The following JAZF1 variants were observed in gnomAD, a reference collection of about 807,000 sequenced individuals.
The protein encoded by JAZF1 is juxtaposed with another zinc finger protein 1.
Under a neutral mutation model 26.4 loss-of-function variants are expected in JAZF1, and 8 were observed. The observed-to-expected ratio is 0.30, with a 90% CI of 0.18 to 0.55. The LOEUF (loss-of-function observed/expected upper bound fraction) is 0.55. Ranked by LOEUF, JAZF1 falls within the 20% of genes least tolerant of loss-of-function variation. The probability of loss-of-function intolerance (pLI) is 0.94; values close to 1 mark genes in which losing one functional copy is unlikely to be tolerated. For synonymous variants in JAZF1, 126 were observed against 122.3 expected, an observed-to-expected ratio of 1.03 and a Z score of -0.20; for missense variants, 199 against 322.0, an observed-to-expected ratio of 0.62 and a Z score of 2.92.
chr7:28,081,237 G>C (rs77692474), intron 1 of JAZF1, among the ~76,000 whole-genome samples: 3,096 of 152,246 alleles, frequency 0.02, 106 homozygotes, highest in African/African-American at 0.07. Context: ...GCCTGGAATG[G>C]AGCCAGCCCC....
chr7:28,145,788 C>T (rs1440124903), intron 1 of JAZF1, among the ~76,000 whole-genome samples: 1 of 152,066 alleles, frequency 6.6e-6, no homozygotes, highest in Non-Finnish European at 1.5e-5. Flanking sequence ...AATCTCCTTC[C>T]CCCATTCCAG....
intron 2 of JAZF1, among the ~76,000 whole-genome samples, chr7:27,977,970 A>C (rs535543825): frequency 6.6e-6 from 1 of 152,296 alleles, no homozygotes; most frequent in East Asian, 1.9e-4. Context: ...TATGTTGTAC[A>C]TTTGTCCAGT....
chr7:27,996,264 C>T (rs1786013912), intron 1 of JAZF1, among the ~76,000 whole-genome samples: 1 of 152,170 alleles, frequency 6.6e-6, no homozygotes, highest in Non-Finnish European at 1.5e-5. Context: ...AATGTCTCAA[C>T]AAAACTAGGG....
intron 3 of JAZF1, among the ~76,000 whole-genome samples, chr7:27,855,485 A>C (rs1783231736): frequency 6.6e-6 from 1 of 152,288 alleles, no homozygotes; most frequent in South Asian, 2.1e-4. Flanking sequence ...CTAATAAGAA[A>C]AGAGAGAAGA....
chr7:27,916,469 A>G (rs1324287532), intron 2 of JAZF1, among the ~76,000 whole-genome samples: 6 of 152,176 alleles, frequency 3.9e-5, no homozygotes, highest in Admixed American at 3.9e-4. Flanking sequence ...CTAATACATG[A>G]CCTTGTTTTA....
chr7:27,913,337 A>G, intron 2 of JAZF1: 1 of 448,332 alleles, frequency 2.2e-6, no homozygotes. Context: ...TAACCATACA[A>G]TGTGTTAAGA....
chr7:27,873,706 C>T (rs1025274357), intron 3 of JAZF1, among the ~76,000 whole-genome samples: 8 of 152,232 alleles, frequency 5.3e-5, no homozygotes, highest in South Asian at 2.1e-4. Context: ...GCTTTATTTA[C>T]ACCTTGTCTT....
chr7:27,855,356 G>T (rs984813808), intron 3 of JAZF1, among the ~76,000 whole-genome samples: 1 of 151,876 alleles, frequency 6.6e-6, no homozygotes, highest in African/African-American at 2.4e-5. Context: ...GCTAGCAGAA[G>T]ACAAGAAATA....
chr7:28,090,858 C>T (rs1201172807), intron 1 of JAZF1, among the ~76,000 whole-genome samples: 6 of 124,472 alleles, frequency 4.8e-5, no homozygotes, highest in Non-Finnish European at 9.4e-5. Flanking sequence ...CTCGCTCTGT[C>T]ACCCAGGCCG....
At chr7:27,866,422 CTCTGT>C (rs141052407) in intron 3 of JAZF1, among the ~76,000 whole-genome samples, 340 of 152,308 alleles carry the variant, frequency 2.2e-3, no homozygotes, top group African/African-American at 7.3e-3. Flanking sequence ...CTTCATTCTG[CTCTGT>C]TCTGACAGTT....
At chr7:27,839,823 A>G (rs1169072111) in intron 4 of JAZF1, among the ~76,000 whole-genome samples, 2 of 152,190 alleles carry the variant, frequency 1.3e-5, no homozygotes, top group Non-Finnish European at 2.9e-5. Flanking sequence ...TGCTTATGCT[A>G]TCTTTTTTTT....
In JAZF1 at chr7:27,840,584, G is replaced by A; in HGVS notation, c.555+114C>T. ...CCACGCACTCTAATGCAGGAGAGGG[G>A]AGTGTCTCCCCCCAGCCCATACGCT... On this transcript the variant is annotated intron_variant, in intron 4 of 4. Transcript: ENST00000283928. This position sits in a 1 kb window ranked among gnomAD's most constrained non-coding sequence, Gnocchi z 5.1. 3 of 1,081,936 alleles carry A rather than the reference G, an allele frequency of 2.8e-6. No individual in the cohort carries two copies. Among genetic ancestry groups the A allele is most frequent in the South Asian group, 1.4e-5 (1 of 69,968 alleles). The allele number at this position is 1,081,936 out of a possible 1,614,324, so 67.0% of individuals were successfully genotyped here. A position where few individuals can be genotyped will look rare whatever the true frequency, so the allele number is the denominator to read the frequency against.
At chr7:28,013,604 G>A (rs911414562) in intron 1 of JAZF1, among the ~76,000 whole-genome samples, 2 of 152,052 alleles carry the variant, frequency 1.3e-5, no homozygotes, top group East Asian at 1.9e-4. Context: ...CTAGAACCAC[G>A]GCACTGAAAT....
chr7:27,857,205 G>C (rs1783281228), intron 3 of JAZF1, among the ~76,000 whole-genome samples: 1 of 152,226 alleles, frequency 6.6e-6, no homozygotes, highest in Non-Finnish European at 1.5e-5. Context: ...GTTCTGCAGG[G>C]AGGTAGCTAA....
intron 3 of JAZF1, among the ~76,000 whole-genome samples, chr7:27,873,402 C>T (rs1346563344): frequency 3.3e-5 from 5 of 152,172 alleles, no homozygotes; most frequent in South Asian, 4.1e-4. Flanking sequence ...AATTCCTTAG[C>T]GTGGCATTTA....
intron 2 of JAZF1, among the ~76,000 whole-genome samples, chr7:27,977,286 G>A (rs1274670545): frequency 6.6e-6 from 1 of 152,122 alleles, no homozygotes; most frequent in Non-Finnish European, 1.5e-5. Context: ...ACTTGTATAG[G>A]TCTAGACTTA....
At chr7:28,024,610 G>A (rs1783062327) in intron 1 of JAZF1, among the ~76,000 whole-genome samples, 1 of 152,220 alleles carries the variant, frequency 6.6e-6, no homozygotes, top group Non-Finnish European at 1.5e-5. Context: ...AAAGGACCCT[G>A]AATGGAAGAG....
At chr7:27,940,188 G>A (rs1402083232) in intron 2 of JAZF1, among the ~76,000 whole-genome samples, 1 of 152,168 alleles carries the variant, frequency 6.6e-6, no homozygotes, top group East Asian at 1.9e-4. Flanking sequence ...GGAACACAAA[G>A]GCCTCTTCAT....
At chr7:28,094,066 A>C (rs1258406638) in intron 1 of JAZF1, among the ~76,000 whole-genome samples, 1 of 152,232 alleles carries the variant, frequency 6.6e-6, no homozygotes, top group Admixed American at 6.5e-5. Flanking sequence ...AAATTATTTC[A>C]GACAGTGATA....
Sources: gnomAD v4.1 joint callset for allele counts (sites outside exome capture counted in the v4.1 genomes callset) on GRCh38, gnomAD v4.1.1 for gene constraint, Gnocchi (gnomAD v3.1) non-coding constraint, MANE v1.5 for transcripts, NCBI Gene and HGNC (gene_info 2026-07-23, HGNC 2026-07-21) for gene names.